Variants in THSD7B observed in about 807,000 individuals in gnomAD.
The protein encoded by THSD7B is thrombospondin type 1 domain containing 7B, also known as thrombospondin type-1 domain-containing protein 7B.
THSD7B carries 138 observed loss-of-function variants against 213.6 expected under a neutral mutation model. That is an observed-to-expected ratio of 0.65 (90% CI 0.56 to 0.74). THSD7B has a LOEUF of 0.74. THSD7B is among the 30% of genes least tolerant of loss of function. The pLI, the probability that THSD7B is intolerant of heterozygous loss-of-function variation, is 0.00. For synonymous variants in THSD7B, 742 were observed against 687.0 expected, an observed-to-expected ratio of 1.08 and a Z score of -1.25; for missense variants, 1,931 against 1,991.5, an observed-to-expected ratio of 0.97 and a Z score of 0.58.
chr2:137,448,478 G>A (rs904527741), intron 14 of THSD7B, among the ~76,000 whole-genome samples: 1 of 152,152 alleles, frequency 6.6e-6, no homozygotes, highest in Admixed American at 6.5e-5. Context: ...AATAAGTTTG[G>A]TAGGCAGTCC....
At chr2:137,092,732 T>C (rs2104916440) in intron 3 of THSD7B, among the ~76,000 whole-genome samples, 1 of 152,292 alleles carries the variant, frequency 6.6e-6, no homozygotes, top group South Asian at 2.1e-4. Context: ...CCTCCCAGGT[T>C]CAAGCAACTC....
chr2:137,386,823 A>C (rs559408787), intron 12 of THSD7B, among the ~76,000 whole-genome samples: 27 of 152,204 alleles, frequency 1.8e-4, no homozygotes, highest in Non-Finnish European at 2.9e-4. Context: ...TAATCTGCTG[A>C]TTTGAGACAT....
At chr2:137,264,754 T>C (rs1218223217) in intron 10 of THSD7B, among the ~76,000 whole-genome samples, 1 of 151,994 alleles carries the variant, frequency 6.6e-6, no homozygotes, top group Non-Finnish European at 1.5e-5. Flanking sequence ...TAATTTTTAA[T>C]TCCATGTTTC....
rs978761902 is a variant in THSD7B, at chr2:137,535,787, A to T, written c.3139-27434A>T. Among the ~76,000 whole-genome samples the T allele has an allele frequency of 2.6e-5, 4 of 151,650 alleles. No homozygotes were observed. In the South Asian group the frequency reaches 6.2e-4, roughly 24 times the overall value. On this transcript the variant is annotated intron_variant, in intron 15 of 27. Transcript: ENST00000409968. ...TTGGAGGACAGAATGATCAGAGAAG[A>T]CTTCTCTGAGATGACGACATCAGAC...
At chr2:137,016,161 T>C (rs1014211051) in intron 2 of THSD7B, among the ~76,000 whole-genome samples, 1 of 152,082 alleles carries the variant, frequency 6.6e-6, no homozygotes, top group African/African-American at 2.4e-5. Flanking sequence ...TCCTCATCTA[T>C]GAGGAAATTG....
chr2:137,581,503 G>A (rs1459937659), intron 17 of THSD7B, among the ~76,000 whole-genome samples: 2 of 152,028 alleles, frequency 1.3e-5, no homozygotes, highest in African/African-American at 4.8e-5. Context: ...CAGGACACAC[G>A]GGAGGCTGAA....
At chr2:137,051,785 C>T (rs990310921) in intron 2 of THSD7B, among the ~76,000 whole-genome samples, 1 of 152,082 alleles carries the variant, frequency 6.6e-6, no homozygotes, top group African/African-American at 2.4e-5. Flanking sequence ...AAATAGTGAC[C>T]AGTACTGTGC....
intron 17 of THSD7B, among the ~76,000 whole-genome samples, chr2:137,592,823 A>G (rs1681890696): frequency 6.6e-6 from 1 of 152,006 alleles, no homozygotes; most frequent in Non-Finnish European, 1.5e-5. Flanking sequence ...AGCCAAATCT[A>G]GTACACTACA....
Position 137,095,092 on chromosome 2 carries a change from T to G in THSD7B, c.1170T>G (p.Val390=). 1 of 1,613,874 alleles carries G rather than the reference T, an allele frequency of 6.2e-7. No individual in the cohort carries two copies. The highest frequency in any genetic ancestry group is 8.5e-7 in the Non-Finnish European group (1 of 1,179,828). The change falls in exon 4 of 28, where the codon GTT becomes GTG. Residue 390 remains valine (V), a synonymous_variant. Transcript: ENST00000409968. ...TTCTTGAGAAAGAGGCCTGCATTGTTGAAGGAGAACTTCTGCAGCAATGTC... is the reference window on the plus strand; with the variant it reads ...TTCTTGAGAAAGAGGCCTGCATTGTGGAAGGAGAACTTCTGCAGCAATGTC... ...PELLEKEACI[V]EGELLQQCPR...
rs59133386 is a variant in THSD7B at position 136,940,711 on chromosome 2, G to GTATA, written c.139+58407_139+58410dup. 8.0e-3 allele frequency among the ~76,000 whole-genome samples: 1,099 copies of GTATA among 138,140 alleles called. 20 individuals carry two copies. The highest frequency in any genetic ancestry group is 0.029 in the African/African-American group (1,062 of 36,780). 90.6% of individuals were successfully genotyped at this position (138,140 alleles called of 152,430 possible). Reference sequence around the variant, plus strand: ...CTGGCTGAGACATACGTGTGTGTGTGTATATATATATATATAATATATATA... The same window carrying GTATA: ...CTGGCTGAGACATACGTGTGTGTGTGTATATATATATATATATATAATATATATA... On this transcript the variant is annotated intron_variant, in intron 2 of 27. Coordinates refer to ENST00000409968, the MANE Select transcript of THSD7B (RefSeq NM_001316349.2).
intron 2 of THSD7B, among the ~76,000 whole-genome samples, chr2:136,997,011 T>A (rs1189083679): frequency 6.6e-6 from 1 of 152,256 alleles, no homozygotes; most frequent in Non-Finnish European, 1.5e-5. Flanking sequence ...AACACTGTTT[T>A]GTCTACTCTT....
Position 136,948,864 on chromosome 2 carries a change from T to G in THSD7B, c.139+66547T>G, listed in dbSNP as rs183378395. 1.7e-3 allele frequency among the ~76,000 whole-genome samples: 260 copies of G among 152,178 alleles called. 1 individual carries two copies. Among genetic ancestry groups the G allele is most frequent in the African/African-American group, 6.1e-3 (251 of 41,458 alleles). ...GAAAGATGCAGAATTTAAAACTATT[T>G]CTGTAAAACATTGGCTTTTTTGTTC... On this transcript the variant is annotated intron_variant, in intron 2 of 27. Coordinates refer to ENST00000409968, the MANE Select transcript of THSD7B (RefSeq NM_001316349.2).
intron 12 of THSD7B, among the ~76,000 whole-genome samples, chr2:137,404,446 T>G (rs1174709848): frequency 2.3e-4 from 20 of 87,250 alleles, no homozygotes; most frequent in Middle Eastern, 5.7e-3. Flanking sequence ...TATATATATA[T>G]ATATATATAT....
chr2:137,641,733 C>T (rs964352598), intron 20 of THSD7B, among the ~76,000 whole-genome samples: 11 of 152,246 alleles, frequency 7.2e-5, no homozygotes, highest in South Asian at 2.1e-4. Flanking sequence ...CTTTTCTGAG[C>T]GATTTTTACT....
chr2:137,574,574 A>T (rs540697868), intron 17 of THSD7B, among the ~76,000 whole-genome samples: 1 of 152,266 alleles, frequency 6.6e-6, no homozygotes, highest in African/African-American at 2.4e-5. Context: ...CACTATGATG[A>T]TGTAACACTT....
chr2:136,845,979 G>A (rs1195383425), intron 1 of THSD7B, among the ~76,000 whole-genome samples: 1 of 152,052 alleles, frequency 6.6e-6, no homozygotes, highest in African/African-American at 2.4e-5. Context: ...ACTGATGAGG[G>A]GCTCTGGTGA....
chr2:137,252,361 C>T (rs1168174539), intron 10 of THSD7B, among the ~76,000 whole-genome samples: 1 of 151,408 alleles, frequency 6.6e-6, no homozygotes, highest in African/African-American at 2.4e-5. Flanking sequence ...AAAAAAAACC[C>T]TATGGGTGTG....
At chr2:137,070,610 G>T (rs963158304) in intron 3 of THSD7B, among the ~76,000 whole-genome samples, 1 of 150,818 alleles carries the variant, frequency 6.6e-6, no homozygotes, top group Non-Finnish European at 1.5e-5. Flanking sequence ...TGTGCACAAC[G>T]TGCAGGTTTG....
At chr2:137,172,792 A>C (rs35374169) in intron 7 of THSD7B, among the ~76,000 whole-genome samples, 10,234 of 152,228 alleles carry the variant, frequency 0.067, 365 homozygotes, top group African/African-American at 0.086. Context: ...AAGGACTGAG[A>C]CCATAACCTG....
Sources: gnomAD v4.1 joint callset for allele counts (sites outside exome capture counted in the v4.1 genomes callset) on GRCh38, gnomAD v4.1.1 for gene constraint, MANE v1.5 for transcripts, NCBI Gene and HGNC (gene_info 2026-07-23, HGNC 2026-07-21) for gene names.